The following PCSK2 variants were observed in gnomAD, a reference collection of about 807,000 sequenced individuals.
The protein encoded by PCSK2 is proprotein convertase subtilisin/kexin type 2.
PCSK2 carries 14 observed loss-of-function variants against 69.7 expected under a neutral mutation model. The ratio of observed to expected loss-of-function variants is 0.20; its 90% CI spans 0.13 to 0.31. PCSK2 has a LOEUF of 0.31. PCSK2 is among the 10% of genes least tolerant of loss of function. The probability of loss-of-function intolerance (pLI) is 1.00; values close to 1 mark genes in which losing one functional copy is unlikely to be tolerated. For missense variants in PCSK2, 544 were observed against 842.5 expected (o/e 0.65, Z 4.39); for synonymous variants, 307 against 320.7 (o/e 0.96, Z 0.46).
intron 2 of PCSK2, among the ~76,000 whole-genome samples, chr20:17,352,946 G>C (rs944143178): frequency 6.6e-6 from 1 of 151,772 alleles, no homozygotes; most frequent in African/African-American, 2.4e-5. Context: ...CTATGCATCT[G>C]ACAAAAATCT....
chr20:17,418,103 A>C (rs550207791), intron 6 of PCSK2, among the ~76,000 whole-genome samples: 1 of 152,336 alleles, frequency 6.6e-6, no homozygotes, highest in East Asian at 1.9e-4. Context: ...AGACTAAAAT[A>C]ACACAAGGAC....
chr20:17,358,157 C>T (rs1233981353), intron 2 of PCSK2, among the ~76,000 whole-genome samples, 170 bp from the exon 3 acceptor site: 1 of 151,318 alleles, frequency 6.6e-6, no homozygotes, highest in Non-Finnish European at 1.5e-5. Flanking sequence ...CAAAAAAATA[C>T]AAAATAATAA....
chr20:17,470,476 A>G (rs2033180666), intron 11 of PCSK2, among the ~76,000 whole-genome samples: 1 of 152,186 alleles, frequency 6.6e-6, no homozygotes, highest in African/African-American at 2.4e-5. Context: ...AGGGGTGTCA[A>G]GAAGATGAGA....
chr20:17,287,292 G>A (rs954622190), intron 2 of PCSK2, among the ~76,000 whole-genome samples: 3 of 152,070 alleles, frequency 2.0e-5, no homozygotes, highest in South Asian at 2.1e-4. Flanking sequence ...AATAGACATC[G>A]AAGGCTACTG....
chr20:17,306,478 A>G (rs1178952023), intron 2 of PCSK2, among the ~76,000 whole-genome samples: 2 of 152,190 alleles, frequency 1.3e-5, no homozygotes, highest in East Asian at 3.9e-4. Context: ...TGGGCATTAG[A>G]TTTATAAAGT....
At chr20:17,436,665 T>G in intron 7 of PCSK2, 43 bp from the exon 8 acceptor site, 1 of 1,561,998 alleles carries the variant, frequency 6.4e-7, no homozygotes, top group Non-Finnish European at 8.7e-7. Context: ...TCCTGCGAAC[T>G]GGGGAACCCA....
chr20:17,364,689 C>T (rs899446441), intron 4 of PCSK2, among the ~76,000 whole-genome samples: 3 of 152,192 alleles, frequency 2.0e-5, no homozygotes, highest in Non-Finnish European at 4.4e-5. Flanking sequence ...AAACCATATC[C>T]AACCCCAACA....
intron 1 of PCSK2, among the ~76,000 whole-genome samples, chr20:17,244,894 C>T (rs1383330857): frequency 3.3e-5 from 5 of 152,320 alleles, no homozygotes; most frequent in Non-Finnish European, 5.9e-5. Flanking sequence ...TCACTGGGCA[C>T]GGGCGGTGGC....
intron 5 of PCSK2, among the ~76,000 whole-genome samples, chr20:17,375,955 G>T (rs1402714627): frequency 6.6e-6 from 1 of 152,192 alleles, no homozygotes; most frequent in Non-Finnish European, 1.5e-5. Flanking sequence ...TGGGCCTTGT[G>T]ACATGTTTTA....
At chr20:17,468,181 T>C (rs60427096) in intron 11 of PCSK2, among the ~76,000 whole-genome samples, 30 of 126,924 alleles carry the variant, frequency 2.4e-4, no homozygotes, top group African/African-American at 4.2e-4. Flanking sequence ...CATCCTCCCA[T>C]GGGCCAGCAT....
chr20:17,422,864 A>G (rs1321700782), intron 6 of PCSK2, among the ~76,000 whole-genome samples: 1 of 152,198 alleles, frequency 6.6e-6, no homozygotes, highest in Non-Finnish European at 1.5e-5. Flanking sequence ...TTAAGATAGC[A>G]ATAAAAACAA....
chr20:17,383,976 C>T (rs1261941801), intron 5 of PCSK2, among the ~76,000 whole-genome samples: 2 of 152,154 alleles, frequency 1.3e-5, no homozygotes, highest in Admixed American at 6.5e-5. Context: ...TTAGACTCAT[C>T]CCATTGTGTT....
chr20:17,371,185 C>T (rs1036186234), intron 5 of PCSK2, among the ~76,000 whole-genome samples: 1 of 152,166 alleles, frequency 6.6e-6, no homozygotes, highest in Non-Finnish European at 1.5e-5. Flanking sequence ...CATAGCATAA[C>T]CCCACAAAGG....
At chr20:17,375,937 C>T (rs1344761356) in intron 5 of PCSK2, among the ~76,000 whole-genome samples, 1 of 152,190 alleles carries the variant, frequency 6.6e-6, no homozygotes, top group Non-Finnish European at 1.5e-5. Context: ...TACCCCTTGA[C>T]TTTGGATTGG....
At chr20:17,314,423 G>C (rs1989614897) in intron 2 of PCSK2, among the ~76,000 whole-genome samples, 1 of 152,204 alleles carries the variant, frequency 6.6e-6, no homozygotes, top group Non-Finnish European at 1.5e-5. Flanking sequence ...TTCTGCTCCA[G>C]GCAATGTTTA....
chr20:17,425,034 C>T (rs1456420697), intron 6 of PCSK2, among the ~76,000 whole-genome samples: 1 of 152,034 alleles, frequency 6.6e-6, no homozygotes, highest in African/African-American at 2.4e-5. Context: ...CCTTGGCCTC[C>T]CAAAGTGCTG....
At chr20:17,416,242 T>G (rs868730401) in intron 6 of PCSK2, among the ~76,000 whole-genome samples, 14 of 152,292 alleles carry the variant, frequency 9.2e-5, no homozygotes, top group Admixed American at 6.5e-4. Context: ...ACAGGCAGCC[T>G]GCAGAATGGG....
At chr20:17,466,530 G>A (rs561920802) in intron 11 of PCSK2, among the ~76,000 whole-genome samples, 44 of 152,300 alleles carry the variant, frequency 2.9e-4, no homozygotes, top group African/African-American at 6.5e-4. Context: ...AAACCACAGC[G>A]TTAGTCAACT....
intron 2 of PCSK2, among the ~76,000 whole-genome samples, chr20:17,348,902 A>T (rs76009920): frequency 1.3e-5 from 2 of 152,280 alleles, no homozygotes; most frequent in East Asian, 3.9e-4. Context: ...TCAACATTTG[A>T]ACTTAGAGGG....
Sources: allele counts gnomAD v4.1 joint callset (sites outside exome capture counted in the v4.1 genomes callset), GRCh38; gene constraint gnomAD v4.1.1; transcripts MANE v1.5; gene names NCBI Gene and HGNC (gene_info 2026-07-23, HGNC 2026-07-21).